TET2: variants seen among roughly 807,000 people sequenced by gnomAD.
TET2 encodes methylcytosine dioxygenase TET2.
Under a neutral mutation model 142.9 loss-of-function variants are expected in TET2, and 299 were observed. That is an observed-to-expected ratio of 2.09 (90% CI 1.90 to 2.30). TET2 has a LOEUF of 2.30. Ranked by LOEUF, TET2 falls within the 30% of genes most tolerant of loss-of-function variation. The pLI is 0.00. For missense variants in TET2, 2,418 were observed against 2,378.0 expected (o/e 1.02, Z -0.35); for synonymous variants, 819 against 849.0 (o/e 0.96, Z 0.61).
chr4:105,235,366 T>A lies in TET2; in HGVS notation c.1424T>A (p.Met475Lys), dbSNP rs1174019725. The part of the protein sequence containing the change: ...PSTHVCSPSP[M>K]LSERPQNNCV... ...ACACATGTATGCAGCCCTTCTCCGA[T>A]GCTTTCTGAAAGGCCTCAGAATAAT... The change falls in exon 3 of 11, where the codon ATG becomes AAG. Residue 475 changes from methionine (M) to lysine (K), a missense_variant. Physicochemically the swap from Met to Lys is moderately conservative, Grantham distance 95. Transcript: ENST00000380013. The A allele has an allele frequency of 6.2e-7, 1 of 1,614,184 alleles. No individual in the cohort carries two copies. The highest frequency in any genetic ancestry group is 8.5e-7 in the Non-Finnish European group (1 of 1,180,018).
chr4:105,172,385 G>A (rs1724522470), intron 1 of TET2: 2 of 152,146 alleles, frequency 1.3e-5, no homozygotes, highest in Admixed American at 1.3e-4. Context: ...CTGTTATTAA[G>A]AAAATCGTAA....
At chr4:105,237,549 A>C in intron 3 of TET2, 198 bp downstream of exon 3, 2 of 1,535,712 alleles carry the variant, frequency 1.3e-6, no homozygotes, top group Non-Finnish European at 1.7e-6. Context: ...ACTTACATGC[A>C]GTTTTTCCAA....
intron 1 of TET2, among the ~76,000 whole-genome samples, chr4:105,167,460 T>C: frequency 6.6e-6 from 1 of 152,144 alleles, no homozygotes. Context: ...TGTGTGTATG[T>C]ATGTATATAC....
At chr4:105,243,046 C>T in intron 5 of TET2, 119 bp downstream of exon 5, 1 of 793,186 alleles carries the variant, frequency 1.3e-6, no homozygotes, top group Admixed American at 2.6e-5. Context: ...AGAACATTAC[C>T]TGTATTTTTT....
intron 1 of TET2, chr4:105,147,510 TC>T (rs1336118123): frequency 1.3e-5 from 2 of 152,138 alleles, no homozygotes; most frequent in African/African-American, 2.4e-5. Flanking sequence ...TACCTTCTTA[TC>T]CCCCTTTAGG....
chr4:105,221,381 A>G (rs901882675), intron 2 of TET2, among the ~76,000 whole-genome samples: 2 of 152,188 alleles, frequency 1.3e-5, no homozygotes, highest in Non-Finnish European at 1.5e-5. Flanking sequence ...GCAGATCTCT[A>G]TCTCTGAGTT....
chr4:105,231,706 A>C (rs530612080), intron 2 of TET2, among the ~76,000 whole-genome samples: 15 of 152,290 alleles, frequency 9.8e-5, no homozygotes, highest in South Asian at 4.1e-4. Flanking sequence ...TTTTTCGCCC[A>C]AAAAGAAAAT....
intron 1 of TET2, among the ~76,000 whole-genome samples, chr4:105,164,515 C>T (rs1051183748): frequency 6.6e-6 from 1 of 152,190 alleles, no homozygotes; most frequent in African/African-American, 2.4e-5. Flanking sequence ...ATTCTTCAAG[C>T]ATGTGTTGAG....
chr4:105,237,574 C>G, intron 3 of TET2: 1 of 1,486,928 alleles, frequency 6.7e-7, no homozygotes, highest in Non-Finnish European at 8.9e-7. Flanking sequence ...ATTAAATAAT[C>G]GTGCATGTTT....
intron 2 of TET2, among the ~76,000 whole-genome samples, chr4:105,223,710 C>T (rs1008774418): frequency 3.3e-5 from 5 of 152,130 alleles, no homozygotes; most frequent in African/African-American, 1.2e-4. Flanking sequence ...ATAATGCCAT[C>T]TATGCAGGAG....
At chr4:105,270,356 T>TTA (rs1001907467) in intron 9 of TET2, among the ~76,000 whole-genome samples, 1 of 152,330 alleles carries the variant, frequency 6.6e-6, no homozygotes, top group Admixed American at 6.5e-5. Flanking sequence ...ATCCTTGGTG[T>TTA]TAATCTAAAC....
At chr4:105,270,960 G>T (rs1316144722) in intron 9 of TET2, among the ~76,000 whole-genome samples, 1 of 152,150 alleles carries the variant, frequency 6.6e-6, no homozygotes, top group Non-Finnish European at 1.5e-5. Flanking sequence ...AGAAGCTGGT[G>T]TGAAGTTTTT....
At chr4:105,245,065 T>C (rs1425337520) in intron 6 of TET2, among the ~76,000 whole-genome samples, 3 of 152,252 alleles carry the variant, frequency 2.0e-5, no homozygotes, top group Non-Finnish European at 4.4e-5. Flanking sequence ...CTTTGCTGTT[T>C]AAAACTCTAA....
At chr4:105,267,511 T>TTCCC (rs1475645524) in intron 8 of TET2, among the ~76,000 whole-genome samples, 1 of 148,748 alleles carries the variant, frequency 6.7e-6, no homozygotes, top group Admixed American at 6.7e-5. Context: ...CTGTGAGACG[T>TTCCC]TAGAGTACAC....
chr4:105,223,648 G>A (rs887546948), intron 2 of TET2, among the ~76,000 whole-genome samples: 6 of 152,106 alleles, frequency 3.9e-5, no homozygotes, highest in Non-Finnish European at 8.8e-5. Flanking sequence ...GTGTATAATT[G>A]ACACAAGCTA....
At chr4:105,182,637 CCTTT>C (rs571229020) in intron 1 of TET2, among the ~76,000 whole-genome samples, 49 of 152,056 alleles carry the variant, frequency 3.2e-4, no homozygotes, top group African/African-American at 3.6e-4. Flanking sequence ...TTTTTATTTG[CCTTT>C]CTATTAGAAA....
chr4:105,233,769 G>A (rs1578667885), intron 2 of TET2, 128 bp from the exon 3 acceptor site: 1 of 547,750 alleles, frequency 1.8e-6, no homozygotes, highest in East Asian at 3.1e-5. Context: ...ATAAATATCA[G>A]TTTGCTATGT....
At chr4:105,243,352 T>C (rs541087341) in intron 5 of TET2, among the ~76,000 whole-genome samples, 1 of 152,218 alleles carries the variant, frequency 6.6e-6, no homozygotes, top group Admixed American at 6.5e-5. Context: ...CATTAAGGAG[T>C]AGTTTTGCAT....
At chr4:105,270,162 C>G (rs1423593324) in intron 9 of TET2, among the ~76,000 whole-genome samples, 1 of 152,196 alleles carries the variant, frequency 6.6e-6, no homozygotes, top group Non-Finnish European at 1.5e-5. Flanking sequence ...AGGAGCAGAA[C>G]ACTGGAATTT....
Sources: gnomAD v4.1 joint callset for allele counts (sites outside exome capture counted in the v4.1 genomes callset) on GRCh38, gnomAD v4.1.1 for gene constraint, MANE v1.5 for transcripts, NCBI Gene and HGNC (gene_info 2026-07-23, HGNC 2026-07-21) for gene names.